HIP1: variants seen among roughly 807,000 people sequenced by gnomAD.
The protein encoded by HIP1 is huntingtin interacting protein 1.
Under a neutral mutation model 147.6 loss-of-function variants are expected in HIP1, and 65 were observed. The observed-to-expected ratio is 0.44, with a 90% CI of 0.36 to 0.54. HIP1 has a LOEUF of 0.54. Among genes scored for constraint, HIP1 ranks in the 20% least tolerant of loss-of-function variants. HIP1 has a pLI of 0.00. For synonymous variants in HIP1, 479 were observed against 504.0 expected (o/e 0.95, Z 0.67); for missense variants, 1,061 against 1,299.6 (o/e 0.82, Z 2.82).
intron 26 of HIP1, 88 bp from the exon 27 acceptor site, chr7:75,544,888 T>C (rs782636152): frequency 3.6e-5 from 33 of 911,010 alleles, no homozygotes; most frequent in Non-Finnish European, 5.8e-5. Flanking sequence ...CCCATCGCCC[T>C]TGGCTAAACA....
At chr7:75,678,325 T>C (rs1799959798) in intron 1 of HIP1, among the ~76,000 whole-genome samples, 1 of 149,548 alleles carries the variant, frequency 6.7e-6, no homozygotes, top group Non-Finnish European at 1.5e-5. Flanking sequence ...GAAGGAGCAG[T>C]CTTATTCCTT....
intron 7 of HIP1, among the ~76,000 whole-genome samples, chr7:75,575,667 C>T (rs587637426): frequency 6.6e-6 from 1 of 152,182 alleles, no homozygotes; most frequent in East Asian, 1.9e-4. Flanking sequence ...TAACCTCCTG[C>T]CCCCCATCCT....
chr7:75,633,444 T>G (rs1335852747), intron 1 of HIP1, among the ~76,000 whole-genome samples: 2 of 152,076 alleles, frequency 1.3e-5, no homozygotes, highest in Non-Finnish European at 2.9e-5. Flanking sequence ...AGGCGTGTGC[T>G]GCCTCACCTG....
Position 75,597,344 on chromosome 7 carries a change from G to A in HIP1, c.184+1840C>T, listed in dbSNP as rs587637634. ...CTAGGGGTTGAGGCTAGAAGGCTTC[G>A]GGACAAGCTGCTCTGGCTTGCCTGG... On this transcript the variant is annotated intron_variant, in intron 2 of 30. Transcript: ENST00000336926. Among the ~76,000 whole-genome samples the A allele has an allele frequency of 3.9e-5, 6 of 152,264 alleles. No homozygotes were observed. The South Asian group carries it at 1.2e-3, about 32-fold the overall frequency.
At chr7:75,599,046 T>C (rs1368243436) in intron 2 of HIP1, 138 bp downstream of exon 2, 26 of 657,972 alleles carry the variant, frequency 4.0e-5, no homozygotes, top group Non-Finnish European at 6.8e-5. Flanking sequence ...GAAGCTGCCG[T>C]CATCAGAAGC....
intron 1 of HIP1, among the ~76,000 whole-genome samples, chr7:75,708,239 T>C (rs143989007): frequency 2.0e-5 from 3 of 152,370 alleles, no homozygotes; most frequent in East Asian, 3.9e-4. Context: ...CTCTATATGA[T>C]CTGGATATTA....
At chr7:75,683,440 G>A (rs1385810289) in intron 1 of HIP1, among the ~76,000 whole-genome samples, 1 of 75,962 alleles carries the variant, frequency 1.3e-5, no homozygotes, top group Non-Finnish European at 2.6e-5. Flanking sequence ...ACTCGGACTC[G>A]TTGGGAGTGC....
chr7:75,721,275 G>A (rs1801496932), intron 1 of HIP1, among the ~76,000 whole-genome samples: 1 of 151,974 alleles, frequency 6.6e-6, no homozygotes, highest in Non-Finnish European at 1.5e-5. Flanking sequence ...TCCTCAGGAG[G>A]CTGAGGCAGA....
chr7:75,536,896 A>G lies in HIP1; in HGVS notation c.*1276T>C. 4.3e-6 allele frequency: 1 copy of G among 231,004 alleles called. No homozygotes were observed. Among genetic ancestry groups the G allele is most frequent in the Admixed American group, 5.6e-5 (1 of 17,734 alleles). The allele number at this position is 231,004 out of a possible 1,614,324, so 14.3% of individuals were successfully genotyped here. On this transcript the variant is annotated 3_prime_UTR_variant, in exon 31 of 31. Coordinates refer to ENST00000336926, the MANE Select transcript of HIP1 (RefSeq NM_005338.7). The stretch of plus-strand genomic sequence containing the variant: ...TGCTGCTTAAGGGAGGTTAGTAATA[A>G]ATACTAAGGGTAGCAAACCAAGTAT...
At chr7:75,589,138 AAAACT>A (rs1554500099) in intron 4 of HIP1, among the ~76,000 whole-genome samples, 9 of 151,582 alleles carry the variant, frequency 5.9e-5, no homozygotes, top group African/African-American at 2.2e-4. Flanking sequence ...CAACAAGAGC[AAAACT>A]CTGTCTTAAA....
intron 1 of HIP1, among the ~76,000 whole-genome samples, chr7:75,621,191 A>T (rs1280642151): frequency 1.3e-5 from 2 of 152,186 alleles, no homozygotes; most frequent in Non-Finnish European, 2.9e-5. Flanking sequence ...TGGGCAGCAG[A>T]GTGAGACCCT....
intron 4 of HIP1, among the ~76,000 whole-genome samples, chr7:75,589,695 A>G (rs1421783013): frequency 1.9e-5 from 2 of 104,826 alleles, no homozygotes; most frequent in African/African-American, 4.7e-5. Flanking sequence ...AAAAAAAAAA[A>G]AAAAAAAAAA....
intron 1 of HIP1, among the ~76,000 whole-genome samples, chr7:75,678,201 T>C (rs776006305): frequency 3.9e-5 from 6 of 152,148 alleles, no homozygotes; most frequent in Non-Finnish European, 7.4e-5. Flanking sequence ...GTGGCCCCTA[T>C]GATGAATTTG....
At chr7:75,672,508 T>TGA (rs1251359433) in intron 1 of HIP1, among the ~76,000 whole-genome samples, 7 of 151,942 alleles carry the variant, frequency 4.6e-5, no homozygotes, top group Non-Finnish European at 8.8e-5. Flanking sequence ...TGTATTTTTT[T>TGA]GTAGAGATGG....
intron 1 of HIP1, among the ~76,000 whole-genome samples, chr7:75,656,221 C>T (rs1554512610): frequency 6.6e-6 from 1 of 151,726 alleles, no homozygotes; most frequent in African/African-American, 2.4e-5. Flanking sequence ...CACACCAAAA[C>T]ACATGGTAGG....
chr7:75,679,614 A>G (rs1305811799), intron 1 of HIP1, among the ~76,000 whole-genome samples: 1 of 151,986 alleles, frequency 6.6e-6, no homozygotes, highest in African/African-American at 2.4e-5. Context: ...TTGTTCCTGA[A>G]ACTCCCTTCC....
chr7:75,682,988 A>AT (rs199607008), intron 1 of HIP1, among the ~76,000 whole-genome samples: 16,752 of 147,528 alleles, frequency 0.11, 1,080 homozygotes, highest in Middle Eastern at 0.19. Flanking sequence ...TTCACTTGAG[A>AT]TTTTTTTTTT....
At chr7:75,587,338 T>G (rs1796323677) in intron 4 of HIP1, among the ~76,000 whole-genome samples, 1 of 152,172 alleles carries the variant, frequency 6.6e-6, no homozygotes. Context: ...CGCCTCTGCC[T>G]CCCAAAGTGC....
At chr7:75,638,089 C>T (rs1554509983) in intron 1 of HIP1, among the ~76,000 whole-genome samples, 1 of 150,058 alleles carries the variant, frequency 6.7e-6, no homozygotes, top group African/African-American at 2.5e-5. Flanking sequence ...CTCCCAAGAC[C>T]CGCCTGACAC....
Sources: gnomAD v4.1 joint callset for allele counts (sites outside exome capture counted in the v4.1 genomes callset) on GRCh38, gnomAD v4.1.1 for gene constraint, MANE v1.5 for transcripts, NCBI Gene and HGNC (gene_info 2026-07-23, HGNC 2026-07-21) for gene names.